RTL4: variants seen among roughly 807,000 people sequenced by gnomAD.
RTL4 encodes the protein retrotransposon Gag-like protein 4.
A neutral mutation model predicts 5.3 loss-of-function variants in RTL4; 4 were observed. That is an observed-to-expected ratio of 0.75 (90% CI 0.37 to 1.72). The LOEUF is 1.72. RTL4 is among the 40% of genes most tolerant of loss of function. The pLI is 0.04. For synonymous variants in RTL4, 98 were observed against 87.3 expected (o/e 1.12, Z -0.68); for missense variants, 260 against 227.1 (o/e 1.14, Z -0.93).
At chrX:112,400,626 C>T in the RTL4 span, among the ~76,000 whole-genome samples, 1 of 111,433 alleles carries the variant, frequency 9.0e-6, no homozygotes, top group Non-Finnish European at 1.9e-5. Context: ...TTTTATTTTA[C>T]TGGATGCTGG....
the RTL4 span, among the ~76,000 whole-genome samples, chrX:112,108,231 T>G: frequency 2.7e-5 from 3 of 112,443 alleles, no homozygotes; most frequent in African/African-American, 9.7e-5. Flanking sequence ...ATTGTTTCTT[T>G]GTATTTTCTT....
chrX:112,309,723 C>T, the RTL4 span, among the ~76,000 whole-genome samples: 1 of 108,867 alleles, frequency 9.2e-6, no homozygotes, highest in Non-Finnish European at 1.9e-5. Context: ...TCAAGCGATT[C>T]ACCTGCTTCG....
At chrX:112,293,376 G>A in the RTL4 span, among the ~76,000 whole-genome samples, 1 of 112,385 alleles carries the variant, frequency 8.9e-6, no homozygotes, top group Non-Finnish European at 1.9e-5. Flanking sequence ...CCCTTTAGCT[G>A]CCAACTTTGT....
the RTL4 span, among the ~76,000 whole-genome samples, chrX:112,298,293 T>G: frequency 1.9e-4 from 21 of 112,124 alleles, no homozygotes; most frequent in Non-Finnish European, 3.2e-4. Flanking sequence ...ATCCTCCAGA[T>G]GAAATTGAAT....
chrX:112,455,575 T>C (rs1926826621), exon 1 of RTL4: 2 of 1,210,007 alleles, frequency 1.7e-6, no homozygotes, highest in Non-Finnish European at 1.1e-6. Context: ...GTGCCTCTAC[T>C]GCAGCCAATC....
At chrX:112,238,386 A>ATGAT in the RTL4 span, among the ~76,000 whole-genome samples, 1 of 111,720 alleles carries the variant, frequency 9.0e-6, no homozygotes, top group African/African-American at 3.2e-5. Context: ...TTTGCCCATG[A>ATGAT]TGATTGATAT....
chrX:112,088,579 G>C, the RTL4 span, among the ~76,000 whole-genome samples: 2 of 112,174 alleles, frequency 1.8e-5, no homozygotes, highest in African/African-American at 6.5e-5. Context: ...CTACCTAAGA[G>C]AGGAATTGCT....
At chrX:112,408,545 A>G in the RTL4 span, among the ~76,000 whole-genome samples, 1 of 109,426 alleles carries the variant, frequency 9.1e-6, no homozygotes, top group African/African-American at 3.3e-5. Flanking sequence ...CAAATATAAA[A>G]TTTATTGACC....
At chrX:112,239,143 C>G in the RTL4 span, among the ~76,000 whole-genome samples, 4 of 110,853 alleles carry the variant, frequency 3.6e-5, no homozygotes, top group Non-Finnish European at 7.6e-5. Flanking sequence ...CACCTATTCC[C>G]AGAAACAGGT....
chrX:112,115,574 G>A, the RTL4 span, among the ~76,000 whole-genome samples: 1 of 111,270 alleles, frequency 9.0e-6, no homozygotes, highest in African/African-American at 3.3e-5. Flanking sequence ...CCTAGCTTTG[G>A]GAATAGCCTT....
chrX:112,448,236 T>G, the RTL4 span, among the ~76,000 whole-genome samples: 1 of 111,950 alleles, frequency 8.9e-6, no homozygotes, highest in Non-Finnish European at 1.9e-5. Flanking sequence ...AGATCAAAAT[T>G]TTTCCACTCT....
the RTL4 span, among the ~76,000 whole-genome samples, chrX:112,097,381 A>T: frequency 9.0e-6 from 1 of 111,552 alleles, no homozygotes; most frequent in African/African-American, 3.3e-5. Context: ...CAAGCCTGTA[A>T]CCTGAGCACT....
chrX:112,152,316 T>C, the RTL4 span, among the ~76,000 whole-genome samples: 2 of 112,095 alleles, frequency 1.8e-5, no homozygotes, highest in African/African-American at 6.5e-5. Flanking sequence ...CAGTGGTTAG[T>C]GGCTAACATA....
At chrX:112,086,258 CTG>C in the RTL4 span, among the ~76,000 whole-genome samples, 1 of 112,390 alleles carries the variant, frequency 8.9e-6, no homozygotes. Flanking sequence ...TGTCATAACA[CTG>C]TATCCAGCAT....
chrX:112,390,996 T>C, the RTL4 span, among the ~76,000 whole-genome samples: 6 of 112,232 alleles, frequency 5.3e-5, no homozygotes, highest in Non-Finnish European at 1.1e-4. Flanking sequence ...CCTATACTTC[T>C]CAGAGTTTTT....
At chrX:112,253,426 C>A in the RTL4 span, among the ~76,000 whole-genome samples, 1 of 112,140 alleles carries the variant, frequency 8.9e-6, no homozygotes, top group African/African-American at 3.2e-5. Context: ...GTCATCCACT[C>A]TAGAAAACAC....
the RTL4 span, among the ~76,000 whole-genome samples, chrX:112,144,764 C>T: frequency 8.9e-6 from 1 of 111,754 alleles, no homozygotes; most frequent in African/African-American, 3.3e-5. Context: ...GCCAAACGCT[C>T]TTCTGTTCCT....
At chrX:112,347,449 C>T in the RTL4 span, among the ~76,000 whole-genome samples, 2 of 111,129 alleles carry the variant, frequency 1.8e-5, no homozygotes, top group Admixed American at 9.6e-5. Flanking sequence ...GATAAGAGAA[C>T]GTACGCAAAG....
chrX:112,208,808 AT>A, the RTL4 span, among the ~76,000 whole-genome samples: 2 of 112,480 alleles, frequency 1.8e-5, no homozygotes, highest in African/African-American at 3.2e-5. Flanking sequence ...AGAAAGGGCT[AT>A]TTTTTGGTCT....
Sources: allele counts gnomAD v4.1 joint callset (sites outside exome capture counted in the v4.1 genomes callset), GRCh38; gene constraint gnomAD v4.1.1; transcripts MANE v1.5; gene names NCBI Gene and HGNC (gene_info 2026-07-23, HGNC 2026-07-21).